ASTN2: variants seen among roughly 807,000 people sequenced by gnomAD.
The protein encoded by ASTN2 is astrotactin 2.
ASTN2 carries 54 observed loss-of-function variants against 139.8 expected under a neutral mutation model. The observed-to-expected ratio is 0.39, with a 90% CI of 0.31 to 0.48. The LOEUF (loss-of-function observed/expected upper bound fraction) is 0.48. Ranked by LOEUF, ASTN2 falls within the 20% of genes least tolerant of loss-of-function variation. The pLI, the probability that ASTN2 is intolerant of heterozygous loss-of-function variation, is 0.95. For synonymous variants in ASTN2, 756 were observed against 719.5 expected (o/e 1.05, Z -0.81); for missense variants, 1,565 against 1,725.1 (o/e 0.91, Z 1.64).
intron 13 of ASTN2, among the ~76,000 whole-genome samples, chr9:116,794,096 CTTTTT>C (rs35428342): frequency 8.1e-6 from 1 of 123,828 alleles, no homozygotes; most frequent in Admixed American, 9.0e-5. Context: ...AAATAAACAC[CTTTTT>C]TTTTTTTTTT....
rs376219148 is a variant in ASTN2 at position 117,247,383 on chromosome 9, G to A, written c.631-32641C>T. On this transcript the variant is annotated intron_variant, in intron 2 of 22. Coordinates refer to ENST00000313400, the MANE Select transcript of ASTN2 (RefSeq NM_001365068.1). ...TGTCTAAAGCAGCCCCATCATTGAT[G>A]AAGTCCCCAGGAATGGGAGACAGCT... Among the ~76,000 whole-genome samples the A allele has an allele frequency of 5.0e-4, 76 of 152,218 alleles. No individual in the cohort carries two copies. In the East Asian group the frequency reaches 0.014, roughly 28 times the overall value.
chr9:116,517,150 T>C (rs1222270390), intron 19 of ASTN2, among the ~76,000 whole-genome samples: 1 of 151,938 alleles, frequency 6.6e-6, no homozygotes, highest in Non-Finnish European at 1.5e-5. Context: ...ATCCTCCCAA[T>C]AGGACCACAG....
chr9:116,839,148 GTTA>G (rs990996925), intron 11 of ASTN2, among the ~76,000 whole-genome samples: 11 of 151,118 alleles, frequency 7.3e-5, no homozygotes, highest in African/African-American at 2.4e-4. Context: ...TTTATTTATT[GTTA>G]TTATTTTTTA....
chr9:117,270,370 A>G (rs1336397608), intron 2 of ASTN2, among the ~76,000 whole-genome samples: 1 of 152,168 alleles, frequency 6.6e-6, no homozygotes, highest in Non-Finnish European at 1.5e-5. Flanking sequence ...TCTGGAAATC[A>G]CCACTCCACT....
chr9:116,642,358 A>C (rs1004981795), intron 17 of ASTN2, among the ~76,000 whole-genome samples: 4 of 151,798 alleles, frequency 2.6e-5, no homozygotes, highest in Non-Finnish European at 4.4e-5. Context: ...TGCTTATTTC[A>C]TGTCTCTCTC....
At chr9:117,147,130 T>C (rs966306016) in intron 3 of ASTN2, among the ~76,000 whole-genome samples, 19 of 152,146 alleles carry the variant, frequency 1.2e-4, no homozygotes, top group Non-Finnish European at 2.2e-4. Context: ...GGTTTCCAGA[T>C]ACCAGGCAAG....
At chr9:116,879,861 T>C (rs2132367561) in intron 10 of ASTN2, among the ~76,000 whole-genome samples, 1 of 152,338 alleles carries the variant, frequency 6.6e-6, no homozygotes, top group Admixed American at 6.5e-5. Flanking sequence ...GTGTCAAGAC[T>C]TGTTTTCCAA....
At chr9:117,287,452 T>C (rs1041155803) in intron 2 of ASTN2, among the ~76,000 whole-genome samples, 6 of 152,314 alleles carry the variant, frequency 3.9e-5, no homozygotes, top group East Asian at 1.9e-4. Flanking sequence ...GTTATATAGA[T>C]TAAGGGCATA....
intron 19 of ASTN2, among the ~76,000 whole-genome samples, chr9:116,558,935 TTTA>T (rs1852769324): frequency 6.6e-6 from 1 of 152,358 alleles, no homozygotes. Flanking sequence ...TCATTTAATA[TTTA>T]TTGAGTGTCT....
intron 5 of ASTN2, among the ~76,000 whole-genome samples, chr9:117,063,416 T>A (rs1839351314): frequency 6.6e-6 from 1 of 152,202 alleles, no homozygotes; most frequent in South Asian, 2.1e-4. Context: ...TGCTAGTGAA[T>A]AAATCTCATG....
At chr9:117,192,893 T>C (rs1831385876) in intron 3 of ASTN2, among the ~76,000 whole-genome samples, 1 of 152,226 alleles carries the variant, frequency 6.6e-6, no homozygotes, top group Admixed American at 6.5e-5. Context: ...TAACACACAG[T>C]TTATCATATA....
chr9:117,374,739 G>A (rs188200547), intron 1 of ASTN2, among the ~76,000 whole-genome samples: 1 of 152,264 alleles, frequency 6.6e-6, no homozygotes, highest in East Asian at 1.9e-4. Context: ...CTCATTTTGA[G>A]ACCTGGGGTT....
chr9:116,904,486 G>A (rs1834103446), intron 10 of ASTN2, among the ~76,000 whole-genome samples: 1 of 152,166 alleles, frequency 6.6e-6, no homozygotes, highest in South Asian at 2.1e-4. Context: ...TCCAATCCCA[G>A]CTATGTTGCT....
intron 19 of ASTN2, among the ~76,000 whole-genome samples, chr9:116,536,986 A>T (rs1441498637): frequency 6.6e-6 from 1 of 152,158 alleles, no homozygotes; most frequent in Non-Finnish European, 1.5e-5. Context: ...GGCCTCCTTG[A>T]GCTGTGGTGG....
intron 11 of ASTN2, among the ~76,000 whole-genome samples, chr9:116,863,113 G>GAAGCCA (rs924459531): frequency 1.3e-5 from 2 of 151,966 alleles, no homozygotes; most frequent in Non-Finnish European, 2.9e-5. Flanking sequence ...CTCATCTTTT[G>GAAGCCA]AAGCCAAAGC....
At chr9:116,449,195 CAGG>C (rs1848100716) in intron 20 of ASTN2, among the ~76,000 whole-genome samples, 1 of 152,122 alleles carries the variant, frequency 6.6e-6, no homozygotes, top group Non-Finnish European at 1.5e-5. Context: ...TGCATGAGCC[CAGG>C]AGTTCAAAAC....
chr9:116,801,630 A>G (rs566205072), intron 13 of ASTN2, among the ~76,000 whole-genome samples: 25 of 151,222 alleles, frequency 1.7e-4, no homozygotes, highest in African/African-American at 6.0e-4. Context: ...AAGAAAAAGA[A>G]AGAAAGAAAA....
chr9:117,025,594 A>T (rs2132623586), intron 6 of ASTN2, among the ~76,000 whole-genome samples: 2 of 152,138 alleles, frequency 1.3e-5, no homozygotes, highest in South Asian at 2.1e-4. Flanking sequence ...TCACTCTCTC[A>T]TCCTCCACCC....
intron 10 of ASTN2, among the ~76,000 whole-genome samples, chr9:116,887,528 C>G (rs1182345921): frequency 6.6e-6 from 1 of 151,936 alleles, no homozygotes; most frequent in African/African-American, 2.4e-5. Context: ...CCTTCAAGAA[C>G]CAGCAGGGGC....
Sources: allele counts gnomAD v4.1 joint callset (sites outside exome capture counted in the v4.1 genomes callset), GRCh38; gene constraint gnomAD v4.1.1; transcripts MANE v1.5; gene names NCBI Gene and HGNC (gene_info 2026-07-23, HGNC 2026-07-21).